The following STPG4 variants were observed in gnomAD, a reference collection of about 807,000 sequenced individuals.
STPG4 encodes the protein sperm-tail PG-rich repeat containing 4, also known as protein STPG4.
Under a neutral mutation model 31.5 loss-of-function variants are expected in STPG4, and 41 were observed. The ratio of observed to expected loss-of-function variants is 1.30; its 90% CI spans 1.01 to 1.69. STPG4 has a LOEUF of 1.69. Ranked by LOEUF, STPG4 falls within the 40% of genes most tolerant of loss-of-function variation. The pLI, the probability that STPG4 is intolerant of heterozygous loss-of-function variation, is 0.00. For missense variants in STPG4, 375 were observed against 293.4 expected, an observed-to-expected ratio of 1.28 and a Z score of -2.03; for synonymous variants, 141 against 103.0, an observed-to-expected ratio of 1.37 and a Z score of -2.24.
intron 5 of STPG4, 77 bp downstream of exon 5, chr2:47,129,864 C>T (rs1290303492): frequency 6.3e-7 from 1 of 1,578,682 alleles, no homozygotes; most frequent in African/African-American, 1.4e-5. Flanking sequence ...TATGTGGCCA[C>T]CTTGCTCCAC....
intron 3 of STPG4, among the ~76,000 whole-genome samples, chr2:47,132,592 A>G (rs1686507998): frequency 6.6e-6 from 1 of 152,204 alleles, no homozygotes; most frequent in South Asian, 2.1e-4. Context: ...GACATCATAA[A>G]CACCAAGGAA....
chr2:47,152,296 A>G (rs1355680573), intron 2 of STPG4, among the ~76,000 whole-genome samples: 2 of 152,252 alleles, frequency 1.3e-5, no homozygotes, highest in Non-Finnish European at 2.9e-5. Context: ...AGTTAGTCCA[A>G]TAAGAGGTTT....
rs1686966442 is a variant in STPG4 at position 47,152,969 on chromosome 2, T to C, written c.129A>G (p.Arg43=). The change falls in exon 2 of 7, where the codon AGA becomes AGG. Residue 43 remains arginine (R), a synonymous_variant. Coordinates refer to ENST00000445927, the MANE Select transcript of STPG4 (RefSeq NM_001163561.2). The stretch of plus-strand genomic sequence containing the variant: ...ACAATGTACATACTGTTAATGCTAT[T>C]CTCCACCATCCTTCTCTTTCAAAAG... ...TSSFEREGWW[R]IALTDTPIPG... 1 of 1,610,346 alleles carries C rather than the reference T, an allele frequency of 6.2e-7. No homozygotes were observed. The highest frequency in any genetic ancestry group is 1.1e-5 in the South Asian group (1 of 90,710).
intron 5 of STPG4, 113 bp downstream of exon 5, chr2:47,129,828 T>G: frequency 7.5e-7 from 1 of 1,333,344 alleles, no homozygotes; most frequent in East Asian, 2.3e-5. Context: ...GTGTTCCTGC[T>G]AGGGGGAACG....
intron 5 of STPG4, among the ~76,000 whole-genome samples, chr2:47,102,083 G>A (rs1685813158): frequency 6.6e-6 from 1 of 151,800 alleles, no homozygotes; most frequent in Non-Finnish European, 1.5e-5. Flanking sequence ...TGTGGTCTGG[G>A]AGGAAAACTA....
In STPG4 at chr2:47,130,269, A is replaced by G. The variant is rs200900479; in HGVS notation, c.400-9T>C. On this transcript the variant is annotated splice_polypyrimidine_tract_variant and intron_variant, in intron 3 of 6. Transcript: ENST00000445927. ...GGAGAAAGCTGAAGTGACTGCACAG[A>G]ATGGACAAGGACACCAATAGATTAA... 1 of 1,612,942 alleles carries G rather than the reference A, an allele frequency of 6.2e-7. No homozygotes were observed. The highest frequency in any genetic ancestry group is 8.5e-7 in the Non-Finnish European group (1 of 1,179,104).
intron 5 of STPG4, among the ~76,000 whole-genome samples, chr2:47,092,557 G>A (rs950857911): frequency 8.2e-6 from 1 of 122,264 alleles, no homozygotes; most frequent in African/African-American, 3.2e-5. Flanking sequence ...AGAAAGGGAG[G>A]GGAGGGAGAA....
At chr2:47,138,671 T>A (rs1686646160) in intron 3 of STPG4, among the ~76,000 whole-genome samples, 1 of 152,188 alleles carries the variant, frequency 6.6e-6, no homozygotes, top group Admixed American at 6.5e-5. Flanking sequence ...TGTCTCAGCC[T>A]CCCAAGTAGC....
At chr2:47,106,432 G>T (rs112488831) in intron 5 of STPG4, among the ~76,000 whole-genome samples, 18,990 of 151,902 alleles carry the variant, frequency 0.13, 1,441 homozygotes, top group African/African-American at 0.14. Context: ...TACAGGAACC[G>T]GAATAGCTGG....
At chr2:47,101,433 CATCTATCCT>C (rs1685797586) in intron 5 of STPG4, among the ~76,000 whole-genome samples, 1 of 151,778 alleles carries the variant, frequency 6.6e-6, no homozygotes, top group East Asian at 1.9e-4. Context: ...GAGACTCACC[CATCTATCCT>C]ATCTATCCTG....
In STPG4 at chr2:47,097,582, G is replaced by T. The variant is rs551435091; in HGVS notation, c.520-7208C>A. 2.0e-5 allele frequency among the ~76,000 whole-genome samples: 3 copies of T among 152,234 alleles called. No individual in the cohort carries two copies. The East Asian group carries it at 5.8e-4, about 29-fold the overall frequency. On this transcript the variant is annotated intron_variant, in intron 5 of 6. Coordinates refer to ENST00000445927, the MANE Select transcript of STPG4 (RefSeq NM_001163561.2). ...CTTTCTAGCTGCATCCTCTTATGGT[G>T]GAAGCTTCTGCCCTTCGCCACGTGC...
At chr2:47,135,536 G>A (rs561572139) in intron 3 of STPG4, among the ~76,000 whole-genome samples, 20 of 152,120 alleles carry the variant, frequency 1.3e-4, no homozygotes, top group South Asian at 4.2e-4. Flanking sequence ...ACAGGCACCC[G>A]CCACCACGTC....
chr2:47,138,668 G>A (rs896770885), intron 3 of STPG4, among the ~76,000 whole-genome samples: 19 of 152,160 alleles, frequency 1.2e-4, no homozygotes, highest in Admixed American at 1.2e-3. Flanking sequence ...TCCTGTCTCA[G>A]CCTCCCAAGT....
At chr2:47,147,190 G>C (rs892137006) in intron 3 of STPG4, among the ~76,000 whole-genome samples, 3 of 152,108 alleles carry the variant, frequency 2.0e-5, no homozygotes, top group African/African-American at 7.2e-5. Context: ...AAAGTAAACA[G>C]ACTAGAGAAG....
At chr2:47,120,800 A>C (rs900436882) in intron 5 of STPG4, among the ~76,000 whole-genome samples, 1 of 152,154 alleles carries the variant, frequency 6.6e-6, no homozygotes, top group Admixed American at 6.6e-5. Context: ...GTATCTGAAA[A>C]AATTTTTGAA....
chr2:47,103,621 G>A (rs922254012), intron 5 of STPG4, among the ~76,000 whole-genome samples: 3 of 151,842 alleles, frequency 2.0e-5, no homozygotes, highest in African/African-American at 7.3e-5. Flanking sequence ...GTGGTTTACT[G>A]GGACACTTTA....
chr2:47,107,231 G>A (rs1418943402), intron 5 of STPG4, among the ~76,000 whole-genome samples: 1 of 152,058 alleles, frequency 6.6e-6, no homozygotes, highest in Admixed American at 6.5e-5. Flanking sequence ...CCCTTTCTGG[G>A]CTGGCCAAGG....
intron 3 of STPG4, among the ~76,000 whole-genome samples, chr2:47,134,148 C>A (rs34243941): frequency 0.022 from 3,309 of 152,104 alleles, 43 homozygotes; most frequent in African/African-American, 0.032. Flanking sequence ...CCCACACATG[C>A]GTAACCTCCA....
chr2:47,151,603 C>T, intron 2 of STPG4, 88 bp from the exon 3 acceptor site: 3 of 1,062,214 alleles, frequency 2.8e-6, no homozygotes, highest in South Asian at 3.0e-5. Flanking sequence ...TCCCAAGTAA[C>T]ATCTCTCTTT....
Sources: gnomAD v4.1 joint callset for allele counts (sites outside exome capture counted in the v4.1 genomes callset) on GRCh38, gnomAD v4.1.1 for gene constraint, MANE v1.5 for transcripts, NCBI Gene and HGNC (gene_info 2026-07-23, HGNC 2026-07-21) for gene names.